ASIC5: variants seen among roughly 807,000 people sequenced by gnomAD.
ASIC5 encodes bile acid-sensitive ion channel.
Under a neutral mutation model 51.2 loss-of-function variants are expected in ASIC5, and 52 were observed. The ratio of observed to expected loss-of-function variants is 1.02; its 90% CI spans 0.81 to 1.28. The LOEUF (loss-of-function observed/expected upper bound fraction) is 1.28. Among genes scored for constraint, ASIC5 ranks in the 50% most tolerant of loss-of-function variants. The pLI is 0.00. For synonymous variants in ASIC5, 231 were observed against 200.7 expected, an observed-to-expected ratio of 1.15 and a Z score of -1.28; for missense variants, 635 against 595.0, an observed-to-expected ratio of 1.07 and a Z score of -0.70.
intron 2 of ASIC5, among the ~76,000 whole-genome samples, chr4:155,856,039 C>T (rs1016549743): frequency 6.6e-6 from 1 of 152,042 alleles, no homozygotes; most frequent in Non-Finnish European, 1.5e-5. Flanking sequence ...CTTTGCTAGT[C>T]AAGCCTCTTC....
Position 155,844,418 on chromosome 4 carries a change from G to T in ASIC5, c.712-588C>A, listed in dbSNP as rs1336778374. ...CTGCATCGGCAGAGAGCAGTTTTCA[G>T]CTTGGGCCCCATCACTAGGTAAGAA... On this transcript the variant is annotated intron_variant, in intron 4 of 9. Coordinates refer to ENST00000537611, the MANE Select transcript of ASIC5 (RefSeq NM_017419.3). Among the ~76,000 whole-genome samples the T allele has an allele frequency of 2.6e-5, 4 of 152,048 alleles. No individual in the cohort carries two copies. The East Asian group carries it at 7.7e-4, about 29-fold the overall frequency.
At chr4:155,839,865 T>C (rs1406261793) in intron 6 of ASIC5, among the ~76,000 whole-genome samples, 1 of 151,794 alleles carries the variant, frequency 6.6e-6, no homozygotes, top group Non-Finnish European at 1.5e-5. Flanking sequence ...AAAACAAAAA[T>C]AAAAACAAAC....
Position 155,863,708 on chromosome 4 carries a change from T to C in ASIC5, c.87A>G (p.Pro29=), listed in dbSNP as rs757036776. The change falls in exon 2 of 10, where the codon CCA becomes CCG. Residue 29 remains proline (P), a synonymous_variant. Coordinates refer to ENST00000537611, the MANE Select transcript of ASIC5 (RefSeq NM_017419.3). ...CAAACTTCTTTCGCTCAGTGGGAGA[T>C]GGCAGTGGTTTCTTTGAAAGGCAAA... ...IKLCLSKKPL[P]SPTERKKFDH... The C allele has an allele frequency of 3.1e-6, 5 of 1,613,786 alleles. No individual in the cohort carries two copies. The highest frequency in any genetic ancestry group is 2.2e-5 in the East Asian group (1 of 44,878).
chr4:155,837,646 T>G (rs1741016090), intron 7 of ASIC5, among the ~76,000 whole-genome samples: 2 of 152,148 alleles, frequency 1.3e-5, no homozygotes, highest in Admixed American at 1.3e-4. Context: ...GGTTTGCTTT[T>G]CAGACTCTAA....
chr4:155,862,213 G>A (rs1002121312), intron 2 of ASIC5, among the ~76,000 whole-genome samples: 1 of 151,878 alleles, frequency 6.6e-6, no homozygotes, highest in African/African-American at 2.4e-5. Context: ...TTTTTTGGGG[G>A]GAAAGGATTG....
chr4:155,851,022 AACTCT>A (rs1447101249), intron 4 of ASIC5, among the ~76,000 whole-genome samples: 4 of 152,042 alleles, frequency 2.6e-5, no homozygotes, highest in African/African-American at 9.7e-5. Context: ...TGTAATTCAA[AACTCT>A]ATTTCTCCTG....
At chr4:155,833,122 A>C (rs989900161) in intron 8 of ASIC5, among the ~76,000 whole-genome samples, 2 of 152,122 alleles carry the variant, frequency 1.3e-5, no homozygotes, top group Non-Finnish European at 2.9e-5. Flanking sequence ...TATCTCTAAT[A>C]CCTAGACGAC....
chr4:155,838,790 A>T (rs200489506), intron 7 of ASIC5, 23 bp downstream of exon 7: 94 of 1,487,572 alleles, frequency 6.3e-5, no homozygotes, highest in Non-Finnish European at 8.2e-5. Flanking sequence ...AATCCTGAAA[A>T]TAAAAGTAAA....
Position 155,840,878 on chromosome 4 carries a change from G to A in ASIC5, c.1009+1329C>T, listed in dbSNP as rs370931021. On this transcript the variant is annotated intron_variant, in intron 6 of 9. Transcript: ENST00000537611. ...ATATGTTGCAGACCCTGCCTCCAAT[G>A]ATCAGCTGGCACCACCCAGAACAAA... Among the ~76,000 whole-genome samples, 2 of 152,060 alleles carry A rather than the reference G, an allele frequency of 1.3e-5. 1 individual carries two copies. The highest frequency in any genetic ancestry group is 1.3e-4 in the Admixed American group (2 of 15,238).
Position 155,829,953 on chromosome 4 carries a change from AT to A in ASIC5, c.1420del (p.Ile474TyrfsTer7). 1 of 1,606,194 alleles carries A rather than the reference AT, an allele frequency of 6.2e-7. No homozygotes were observed. On this transcript the variant is annotated frameshift_variant, in exon 10 of 10. Transcript: ENST00000537611. LOFTEE classifies it low-confidence loss of function (END_TRUNC). ...IEYLFTNFYW[I>X]CIFFLLKISE... ...TATCTTCAGCAAAAAGAAAATGCAT[AT>A]CCAGTAGAAATTGGTGAATAGATAT...
At chr4:155,841,341 G>A (rs13148223) in intron 6 of ASIC5, among the ~76,000 whole-genome samples, 70,252 of 151,956 alleles carry the variant, frequency 0.46, 19,188 homozygotes, top group East Asian at 0.77. Flanking sequence ...TCTGTGCCAG[G>A]CACTATTTGA....
chr4:155,865,829 A>G (rs1228901991), intron 1 of ASIC5, among the ~76,000 whole-genome samples: 3 of 152,140 alleles, frequency 2.0e-5, no homozygotes, highest in Admixed American at 2.0e-4. Flanking sequence ...TAGACCTTGC[A>G]TTGAGTGCTG....
chr4:155,836,963 G>A, intron 7 of ASIC5, 106 bp from the exon 8 acceptor site: 1 of 818,614 alleles, frequency 1.2e-6, no homozygotes. Context: ...AAAAAAAGGT[G>A]GTTACCAACA....
At chr4:155,862,760 C>G (rs900289590) in intron 2 of ASIC5, among the ~76,000 whole-genome samples, 2 of 152,100 alleles carry the variant, frequency 1.3e-5, no homozygotes, top group African/African-American at 4.8e-5. Context: ...GGCCTTGCCT[C>G]TACTACATTA....
At position 155,845,095 on chromosome 4, in the gene ASIC5, GA is replaced by G. The variant is rs148797219; in HGVS notation, c.712-1266del. 3.5e-3 allele frequency among the ~76,000 whole-genome samples: 527 copies of G among 148,914 alleles called. 22 individuals are homozygous for G. In the East Asian group the frequency reaches 0.097, roughly 27 times the overall value. On this transcript the variant is annotated intron_variant, in intron 4 of 9. Transcript: ENST00000537611. Reference sequence around the variant, plus strand: ...GTGGAAAGAAAACAGCAATCAAGAGGAAAAAAAAAGGAAAGATTTTTTATTT... The same window carrying G: ...GTGGAAAGAAAACAGCAATCAAGAGGAAAAAAAAGGAAAGATTTTTTATTT...
At chr4:155,831,175 A>G (rs1359946300) in intron 9 of ASIC5, among the ~76,000 whole-genome samples, 1 of 152,164 alleles carries the variant, frequency 6.6e-6, no homozygotes, top group East Asian at 1.9e-4. Context: ...TCTAGGGTAG[A>G]GCCCTGTGTG....
chr4:155,847,696 T>G (rs1269231893), intron 4 of ASIC5, among the ~76,000 whole-genome samples: 1 of 151,858 alleles, frequency 6.6e-6, no homozygotes, highest in African/African-American at 2.4e-5. Flanking sequence ...CACTCCAGCT[T>G]AGGTGACAGA....
At chr4:155,830,111 T>C in intron 9 of ASIC5, 65 bp from the exon 10 acceptor site, 5 of 1,201,014 alleles carry the variant, frequency 4.2e-6, no homozygotes, top group Non-Finnish European at 5.7e-6. Flanking sequence ...TTATTAGAAG[T>C]TAAATTAGTT....
At chr4:155,860,465 C>T (rs555465162) in intron 2 of ASIC5, among the ~76,000 whole-genome samples, 1 of 151,844 alleles carries the variant, frequency 6.6e-6, no homozygotes, top group African/African-American at 2.4e-5. Context: ...GAGTACTTTT[C>T]CTGATCTGTC....
Sources: allele counts gnomAD v4.1 joint callset (sites outside exome capture counted in the v4.1 genomes callset), GRCh38; gene constraint gnomAD v4.1.1; transcripts MANE v1.5; gene names NCBI Gene and HGNC (gene_info 2026-07-23, HGNC 2026-07-21).